USP35: variants seen among roughly 807,000 people sequenced by gnomAD.
The protein encoded by USP35 is ubiquitin specific peptidase 35, also known as ubiquitin carboxyl-terminal hydrolase 35.
A neutral mutation model predicts 83.8 loss-of-function variants in USP35; 69 were observed. That is an observed-to-expected ratio of 0.82 (90% CI 0.68 to 1.01). USP35 has a LOEUF of 1.01. Among genes scored for constraint, USP35 ranks in the 50% least tolerant of loss-of-function variants. The probability of loss-of-function intolerance (pLI) is 0.00; values close to 1 mark genes in which losing one functional copy is unlikely to be tolerated. For missense variants in USP35, 1,503 were observed against 1,362.5 expected (o/e 1.10, Z -1.62); for synonymous variants, 714 against 589.5 (o/e 1.21, Z -3.06).
Position 78,213,858 on chromosome 11 carries a change from T to C in USP35, c.*45T>C. On this transcript the variant is annotated 3_prime_UTR_variant, in exon 11 of 11. Transcript: ENST00000529308. Reference sequence around the variant, plus strand: ...TGACCCCTTCCCTCCAGGAGCCAGGTAGGGCCTGAGGGAAGCTGTGGAGGC... The same window carrying C: ...TGACCCCTTCCCTCCAGGAGCCAGGCAGGGCCTGAGGGAAGCTGTGGAGGC... The C allele has an allele frequency of 6.5e-7, 1 of 1,528,348 alleles. No homozygotes were observed. Among genetic ancestry groups the C allele is most frequent in the East Asian group, 2.6e-5 (1 of 38,290 alleles). The allele number at this position is 1,528,348 out of a possible 1,614,324, so 94.7% of individuals were successfully genotyped here.
chr11:78,203,647 C>T (rs562433), intron 6 of USP35, among the ~76,000 whole-genome samples: 1 of 151,488 alleles, frequency 6.6e-6, no homozygotes, highest in Non-Finnish European at 1.5e-5. Context: ...GGCGTGATCT[C>T]GGCTCATTGC....
At chr11:78,208,731 C>T in intron 8 of USP35, 126 bp from the exon 9 acceptor site, 2 of 1,010,466 alleles carry the variant, frequency 2.0e-6, no homozygotes, top group Non-Finnish European at 1.5e-6. Flanking sequence ...CGGGGAGGAC[C>T]TCATGGAGGA....
the USP35 span, chr11:78,221,962 G>A: frequency 1.4e-6 from 1 of 704,314 alleles, no homozygotes; most frequent in East Asian, 2.6e-5. Context: ...AGGAAACCAA[G>A]CCACAAGACA....
chr11:78,221,896 C>A, the USP35 span: 17 of 711,462 alleles, frequency 2.4e-5, no homozygotes, highest in Middle Eastern at 3.5e-4. Context: ...GAGCTGCACA[C>A]TCCATCAGAT....
At chr11:78,217,804 G>T (rs118076932), downstream of USP35, 1 of 152,246 alleles carries the variant, frequency 6.6e-6, no homozygotes, top group Non-Finnish European at 1.5e-5. Flanking sequence ...ATGAGCTGAG[G>T]AAACACTGGG....
chr11:78,228,017 A>G, the USP35 span, among the ~76,000 whole-genome samples: 5 of 152,180 alleles, frequency 3.3e-5, no homozygotes, highest in African/African-American at 1.2e-4. Context: ...GTTTTGGGCA[A>G]TAAGGCAAGC....
At chr11:78,219,112 A>G (rs892008983), downstream of USP35, 30 of 661,884 alleles carry the variant, frequency 4.5e-5, no homozygotes, top group Non-Finnish European at 7.3e-5. Context: ...CTCACCTCCC[A>G]GGGGAAGGGT....
Position 78,197,060 on chromosome 11 carries a change from C to A in USP35, c.673+142C>A, listed in dbSNP as rs1243901983. On this transcript the variant is annotated intron_variant, in intron 2 of 10. Coordinates refer to ENST00000529308, the MANE Select transcript of USP35 (RefSeq NM_020798.4). ...AGGCGGCGAATGCTCAGGTGGAGGG[C>A]TGCAGCCTGCCTTCATGTAGGTGAC... is the stretch of plus-strand genomic sequence containing the variant. The A allele has an allele frequency of 1.5e-5, 20 of 1,345,674 alleles. No homozygotes were observed. The East Asian group carries it at 5.3e-4, about 36-fold the overall frequency. 83.4% of individuals were successfully genotyped at this position (1,345,674 alleles called of 1,614,324 possible).
At chr11:78,219,483 G>T, downstream of USP35, 1 of 1,451,610 alleles carries the variant, frequency 6.9e-7, no homozygotes, top group South Asian at 1.2e-5. Flanking sequence ...GAAGAAGGTG[G>T]GCACGGGATC....
chr11:78,203,200 C>T (rs931407177), intron 6 of USP35, among the ~76,000 whole-genome samples: 4 of 152,064 alleles, frequency 2.6e-5, no homozygotes, highest in Admixed American at 6.6e-5. Flanking sequence ...TTCTCAACCC[C>T]GCGCCTTGAG....
intron 1 of USP35, 68 bp downstream of exon 1, chr11:78,189,225 C>T (rs1486930171): frequency 6.5e-6 from 1 of 152,906 alleles, no homozygotes; most frequent in East Asian, 1.9e-4. Context: ...TTCGAGAACC[C>T]TGGACTTGCG....
At chr11:78,191,841 C>CTTTT (rs1215811595) in intron 1 of USP35, among the ~76,000 whole-genome samples, 38 of 133,468 alleles carry the variant, frequency 2.8e-4, no homozygotes, top group African/African-American at 9.5e-4. Flanking sequence ...CGGCCCTCAT[C>CTTTT]TTTTTTTTTT....
chr11:78,210,552 C>G lies in USP35; in HGVS notation c.2697C>G (p.Ser899=), dbSNP rs377018213. The G allele has an allele frequency of 1.9e-6, 3 of 1,612,840 alleles. No individual in the cohort carries two copies. Among genetic ancestry groups the G allele is most frequent in the Non-Finnish European group, 2.5e-6 (3 of 1,179,006 alleles). The stretch of plus-strand genomic sequence containing the variant: ...ACCTGTTCAATGACACTCGGGTGTC[C>G]TTCTCTTCCTTCGAATCTGTCAGCA... The part of the protein sequence containing the change: ...QWYLFNDTRV[S]FSSFESVSNV... Residue 899 remains serine (S), a synonymous_variant, in exon 10 of 11, where the codon TCC becomes TCG. Transcript: ENST00000529308.
chr11:78,220,465 CTG>C, the USP35 span: 5 of 1,546,916 alleles, frequency 3.2e-6, no homozygotes, highest in Non-Finnish European at 3.5e-6. Context: ...GAGGAAAAAA[CTG>C]TGAGTGACTG....
intron 1 of USP35, among the ~76,000 whole-genome samples, chr11:78,194,142 A>AC (rs1251841112): frequency 1.1e-5 from 1 of 87,144 alleles, no homozygotes; most frequent in Non-Finnish European, 3.0e-5. Context: ...CCTCTAACCA[A>AC]CAGTGAACTC....
chr11:78,210,809 CTTA>C, intron 10 of USP35, 65 bp downstream of exon 10: 1 of 1,451,782 alleles, frequency 6.9e-7, no homozygotes, highest in Non-Finnish European at 9.2e-7. Context: ...CCACTACTGG[CTTA>C]GATAAGTCAT....
chr11:78,224,652 G>C, the USP35 span, among the ~76,000 whole-genome samples: 7 of 152,144 alleles, frequency 4.6e-5, no homozygotes, highest in African/African-American at 1.4e-4. Flanking sequence ...TGACACCTTG[G>C]AGAACTGCGG....
intron 2 of USP35, 108 bp from the exon 3 acceptor site, chr11:78,197,828 C>T (rs898367819): frequency 2.1e-6 from 3 of 1,451,612 alleles, no homozygotes. Context: ...CTCTGCTGTG[C>T]TCTTCCTAGA....
At chr11:78,216,326 T>G (rs1264670083), downstream of USP35, 1 of 152,106 alleles carries the variant, frequency 6.6e-6, no homozygotes, top group East Asian at 1.9e-4. Flanking sequence ...GTATCCCCTT[T>G]CCGTAGGCTC....
Sources: gnomAD v4.1 joint callset for allele counts (sites outside exome capture counted in the v4.1 genomes callset) on GRCh38, gnomAD v4.1.1 for gene constraint, MANE v1.5 for transcripts, NCBI Gene and HGNC (gene_info 2026-07-23, HGNC 2026-07-21) for gene names.